NLRP12: variants seen among roughly 807,000 people sequenced by gnomAD.
NLRP12 encodes NACHT, LRR and PYD domains-containing protein 12.
In NLRP12, 108 loss-of-function variants were observed where a neutral mutation model predicts 91.2. That is an observed-to-expected ratio of 1.18 (90% confidence interval 1.01 to 1.39). The LOEUF is 1.39. NLRP12 is among the 40% of genes most tolerant of loss of function. The pLI is 0.00. For synonymous variants in NLRP12, 613 were observed against 566.7 expected (o/e 1.08, Z -1.16); for missense variants, 1,530 against 1,352.7 (o/e 1.13, Z -2.06).
At chr19:53,804,460 G>A (rs1447843478) in intron 5 of NLRP12, among the ~76,000 whole-genome samples, 30 of 140,696 alleles carry the variant, frequency 2.1e-4, no homozygotes, top group African/African-American at 4.9e-4. Flanking sequence ...GTACAGTGGC[G>A]TGATCTTGCC....
intron 6 of NLRP12, 45 bp from the exon 7 acceptor site, chr19:53,801,442 C>CCT (rs2091870255): frequency 8.1e-7 from 1 of 1,230,638 alleles, no homozygotes; most frequent in African/African-American, 2.0e-5. Context: ...GCTTTCCTTT[C>CCT]TTTTTCTTTT....
chr19:53,821,941 T>C (rs2092269303), intron 1 of NLRP12, among the ~76,000 whole-genome samples: 1 of 152,126 alleles, frequency 6.6e-6, no homozygotes, highest in South Asian at 2.1e-4. Context: ...AACAAAATCA[T>C]GTTCTTTGCA....
At chr19:53,809,356 C>A (rs2092014669) in intron 3 of NLRP12, among the ~76,000 whole-genome samples, 1 of 151,294 alleles carries the variant, frequency 6.6e-6, no homozygotes, top group Non-Finnish European at 1.5e-5. Flanking sequence ...CATGGTGAAA[C>A]CCTGTCTCTA....
intron 7 of NLRP12, 101 bp from the exon 8 acceptor site, chr19:53,798,514 A>G: frequency 8.6e-7 from 1 of 1,163,960 alleles, no homozygotes; most frequent in Admixed American, 2.0e-5. Flanking sequence ...AGACAGAGGG[A>G]CAGACTCAAT....
In NLRP12 at chr19:53,801,354, C is replaced by A. The variant is rs765153196; in HGVS notation, c.2629G>T (p.Ala877Ser). 37 of 1,613,872 alleles carry A rather than the reference C, an allele frequency of 2.3e-5. No individual in the cohort carries two copies. Among genetic ancestry groups the A allele is most frequent in the Non-Finnish European group, 3.1e-5 (37 of 1,180,008 alleles). ...CTCTGGTTCACACTGAGAGTTGAGG[C>A]CAGCTCGTCACAGGCAGCAGCAGTG... ...RLTAAACDEL[A>S]STLSVNQSLR... Residue 877 changes from alanine (A) to serine (S), a missense_variant, in exon 7 of 10, where the codon GCC becomes TCC. Physicochemically the swap from Ala to Ser is moderately conservative, Grantham distance 99 (BLOSUM62 1). Coordinates refer to ENST00000324134, the MANE Select transcript of NLRP12 (RefSeq NM_144687.4).
In NLRP12 at chr19:53,810,327, T is replaced by G. The variant is rs1599841606; in HGVS notation, c.1332A>C (p.Gln444His). 9 of 1,613,478 alleles carry G rather than the reference T, an allele frequency of 5.6e-6. No individual in the cohort carries two copies. The highest frequency in any genetic ancestry group is 7.6e-6 in the Non-Finnish European group (9 of 1,179,970). Residue 444 changes from glutamine (Q) to histidine (H), a missense_variant, in exon 3 of 10, where the codon CAA becomes CAC. Gln to His is a conservative substitution (Grantham distance 24, BLOSUM62 0). Transcript: ENST00000324134. ...GGAGGCGCGGGGCCCCCGGCTTGGG[T>G]TGCATCAGACTCAGCAGGTAGAGCA... ...VYMLYLLSLM[Q>H]PKPGAPRLQP...
In NLRP12 at chr19:53,801,394, C is replaced by T; in HGVS notation, c.2589G>A (p.Leu863=). 1 of 1,612,882 alleles carries T rather than the reference C, an allele frequency of 6.2e-7. No homozygotes were observed. The highest frequency in any genetic ancestry group is 1.7e-4 in the Middle Eastern group (1 of 6,032). Residue 863 remains leucine, a synonymous_variant, in exon 7 of 10, where the codon CTG becomes CTA. Coordinates refer to ENST00000324134, the MANE Select transcript of NLRP12 (RefSeq NM_144687.4). ...CAGCAGCAGTGAGGCGGCAGATCTTCAGCCTGCACAAAGTCCAATTCAACA... is the reference window on the plus strand; with the variant it reads ...CAGCAGCAGTGAGGCGGCAGATCTTTAGCCTGCACAAAGTCCAATTCAACA... The part of the protein sequence containing the change: ...HPVCRLRTLW[L]KICRLTAAAC...
At chr19:53,816,200 T>C (rs1156446586) in intron 1 of NLRP12, among the ~76,000 whole-genome samples, 1 of 152,060 alleles carries the variant, frequency 6.6e-6, no homozygotes, top group Non-Finnish European at 1.5e-5. Flanking sequence ...CATGAGAAAG[T>C]CTTCCCACCT....
Position 53,819,663 on chromosome 19 carries a change from GTATA to G in NLRP12, c.289+4219_289+4222del, listed in dbSNP as rs2092236332. On this transcript the variant is annotated intron_variant, in intron 1 of 9. Coordinates refer to ENST00000324134, the MANE Select transcript of NLRP12 (RefSeq NM_144687.4). ...TATGTATACGTATATATATACACAT[GTATA>G]CATATATGTATGTATACATATATAT... Among the ~76,000 whole-genome samples the G allele has an allele frequency of 1.2e-4, 2 of 16,844 alleles. 1 individual carries two copies. The highest frequency in any genetic ancestry group is 4.1e-4 in the African/African-American group (2 of 4,856). The allele number at this position is 16,844 out of a possible 152,430, so 11.1% of individuals were successfully genotyped here.
At position 53,810,297 on chromosome 19, in the gene NLRP12, G is replaced by T. The variant is rs533011049; in HGVS notation, c.1362C>A (p.Pro454=). The T allele has an allele frequency of 3.7e-6, 6 of 1,613,902 alleles. No homozygotes were observed. The South Asian group carries it at 6.6e-5, about 18-fold the overall frequency. Reference sequence around the variant, plus strand: ...AGCACAACCCTCTCTGGTTGGGTGGGGGCTGGAGGCGCGGGGCCCCCGGCT... The same window carrying T: ...AGCACAACCCTCTCTGGTTGGGTGGTGGCTGGAGGCGCGGGGCCCCCGGCT... ...QPKPGAPRLQ[P]PPNQRGLCSL... Residue 454 remains proline, a synonymous_variant, in exon 3 of 10, where the codon CCC becomes CCA. Transcript: ENST00000324134.
Position 53,819,605 on chromosome 19 carries a change from ATATGTATG to A in NLRP12, c.289+4273_289+4280del, listed in dbSNP as rs769133863. 4.3e-4 allele frequency among the ~76,000 whole-genome samples: 39 copies of A among 91,456 alleles called. 1 individual carries two copies. The highest frequency in any genetic ancestry group is 9.3e-4 in the East Asian group (3 of 3,220). The allele number at this position is 91,456 out of a possible 152,430, so 60.0% of individuals were successfully genotyped here. On this transcript the variant is annotated intron_variant, in intron 1 of 9. Transcript: ENST00000324134. The stretch of plus-strand genomic sequence containing the variant: ...TGTATGTATACGTATATACGCATAT[ATATGTATG>A]TATACGTATATACGCGTATATATGT...
At chr19:53,804,690 C>T (rs1438229802) in intron 5 of NLRP12, among the ~76,000 whole-genome samples, 24 of 149,138 alleles carry the variant, frequency 1.6e-4, no homozygotes, top group Admixed American at 1.3e-3. Flanking sequence ...GGATTATAGA[C>T]GTGAACCACC....
intron 1 of NLRP12, among the ~76,000 whole-genome samples, chr19:53,818,776 A>C (rs922394367): frequency 6.6e-6 from 1 of 152,214 alleles, no homozygotes; most frequent in Non-Finnish European, 1.5e-5. Context: ...AGAACCAGCC[A>C]CATCAAAATG....
chr19:53,820,448 G>A (rs2092249121), intron 1 of NLRP12, among the ~76,000 whole-genome samples: 2 of 150,358 alleles, frequency 1.3e-5, no homozygotes, highest in African/African-American at 2.4e-5. Flanking sequence ...GAGAATCACT[G>A]GAACCCGGGA....
chr19:53,809,544 CACG>C, intron 3 of NLRP12, 40 bp downstream of exon 3: 1 of 817,652 alleles, frequency 1.2e-6, no homozygotes, highest in Non-Finnish European at 1.8e-6. Flanking sequence ...AAAAAAAACA[CACG>C]AACCTAAGCA....
chr19:53,801,467 T>G, intron 6 of NLRP12, 70 bp from the exon 7 acceptor site: 1 of 1,521,278 alleles, frequency 6.6e-7, no homozygotes, highest in Non-Finnish European at 8.8e-7. Context: ...TTTTTTTTTT[T>G]TTGAGACAGA....
At chr19:53,797,513 G>A (rs1195439536) in intron 8 of NLRP12, among the ~76,000 whole-genome samples, 2 of 151,794 alleles carry the variant, frequency 1.3e-5, no homozygotes, top group Non-Finnish European at 2.9e-5. Context: ...TCGCCTCCCA[G>A]GTTCAAGTCA....
intron 1 of NLRP12, among the ~76,000 whole-genome samples, chr19:53,816,383 C>G (rs543816288): frequency 3.2e-4 from 49 of 152,136 alleles, no homozygotes; most frequent in South Asian, 6.2e-4. Flanking sequence ...CCCGCCCCCC[C>G]CAACAGTCTC....
chr19:53,803,434 C>T (rs2091905705), intron 6 of NLRP12, among the ~76,000 whole-genome samples: 1 of 151,978 alleles, frequency 6.6e-6, no homozygotes, highest in East Asian at 1.9e-4. Flanking sequence ...CCCACCTCGG[C>T]CTCCCAAAGT....
Sources: allele counts gnomAD v4.1 joint callset (sites outside exome capture counted in the v4.1 genomes callset), GRCh38; gene constraint gnomAD v4.1.1; transcripts MANE v1.5; gene names NCBI Gene and HGNC (gene_info 2026-07-23, HGNC 2026-07-21).